RPS6KA5: variants seen among roughly 807,000 people sequenced by gnomAD.
The protein encoded by RPS6KA5 is ribosomal protein S6 kinase A5, also known as ribosomal protein S6 kinase alpha-5.
RPS6KA5 carries 27 observed loss-of-function variants against 85.5 expected under a neutral mutation model. The observed-to-expected ratio is 0.32, with a 90% confidence interval of 0.23 to 0.44. RPS6KA5 has a LOEUF of 0.44. Among genes scored for constraint, RPS6KA5 ranks in the 20% least tolerant of loss-of-function variants. The probability of loss-of-function intolerance (pLI) is 1.00; values close to 1 mark genes in which losing one functional copy is unlikely to be tolerated. For missense variants in RPS6KA5, 811 were observed against 980.9 expected (o/e 0.83, Z 2.31); for synonymous variants, 334 against 348.2 (o/e 0.96, Z 0.46).
In RPS6KA5 at chr14:90,899,407, A is replaced by G; in HGVS notation, c.1395T>C (p.Thr465=). The G allele has an allele frequency of 6.2e-7, 1 of 1,612,946 alleles. No individual in the cohort carries two copies. Reference sequence around the variant, plus strand: ...GTTTCAGAGCTGTTATTTCCTTTTGAGTATTGGCTTCCATCCTGCAAGATG... The same window carrying G: ...GTTTCAGAGCTGTTATTTCCTTTTGGGTATTGGCTTCCATCCTGCAAGATG... ...KIISKRMEAN[T]QKEITALKLC... is the part of the protein sequence containing the mutation. Residue 465 remains threonine, a synonymous_variant, in exon 12 of 17, where the codon ACT becomes ACC. Coordinates refer to ENST00000614987, the MANE Select transcript of RPS6KA5 (RefSeq NM_004755.4).
intron 1 of RPS6KA5, among the ~76,000 whole-genome samples, chr14:91,021,758 T>C (rs574526571): frequency 2.0e-5 from 3 of 152,322 alleles, no homozygotes; most frequent in Admixed American, 2.0e-4. Flanking sequence ...ATTTGGTCAC[T>C]GGAAGCACTT....
Position 91,054,389 on chromosome 14 carries a change from C to T in RPS6KA5, c.103+5943G>A, listed in dbSNP as rs145855355. 5.9e-3 allele frequency among the ~76,000 whole-genome samples: 902 copies of T among 152,144 alleles called. 4 individuals are homozygous for T. The highest frequency in any genetic ancestry group is 0.014 in the Admixed American group (209 of 15,282). ...CGGTGGCTCACACCTGTAATCCCAA[C>T]ACTTTGGGAGGCTGAGGCAGGTGGA... On this transcript the variant is annotated intron_variant, in intron 1 of 16. Coordinates refer to ENST00000614987, the MANE Select transcript of RPS6KA5 (RefSeq NM_004755.4).
intron 1 of RPS6KA5, chr14:91,060,007 A>G: frequency 1.0e-6 from 1 of 981,934 alleles, no homozygotes; most frequent in Non-Finnish European, 1.2e-6. Context: ...ACGCAGACAC[A>G]CGTGTGTCAC....
At chr14:90,938,003 C>T (rs2037367601) in intron 5 of RPS6KA5, among the ~76,000 whole-genome samples, 1 of 152,174 alleles carries the variant, frequency 6.6e-6, no homozygotes, top group Non-Finnish European at 1.5e-5. Flanking sequence ...AGTCCATATT[C>T]CAAAGTCTCA....
chr14:90,882,558 G>A (rs1178272695), intron 14 of RPS6KA5, among the ~76,000 whole-genome samples: 9 of 152,156 alleles, frequency 5.9e-5, no homozygotes, highest in Admixed American at 2.0e-4. Flanking sequence ...ACAGAGCGGC[G>A]TTAGTGGTAA....
intron 10 of RPS6KA5, 122 bp from the exon 11 acceptor site, chr14:90,900,363 T>A: frequency 1.4e-6 from 1 of 708,872 alleles, no homozygotes; most frequent in Non-Finnish European, 2.1e-6. Context: ...ACATTTATAA[T>A]CTAAAATTCA....
rs148651212 is a variant in RPS6KA5 at position 90,933,880 on chromosome 14, G to A, written c.618+9198C>T. Among the ~76,000 whole-genome samples the A allele has an allele frequency of 2.0e-5, 3 of 152,050 alleles. No individual in the cohort carries two copies. In the East Asian group the frequency reaches 5.8e-4, roughly 29 times the overall value. On this transcript the variant is annotated intron_variant, in intron 5 of 16. Transcript: ENST00000614987. Reference sequence around the variant, plus strand: ...ACTCATTCCATAACCCCACCTTAAAGGGCCTTAATATTGGCTGATCCCTCT... The same window carrying A: ...ACTCATTCCATAACCCCACCTTAAAAGGCCTTAATATTGGCTGATCCCTCT...
chr14:90,907,089 C>T (rs1483645480), intron 7 of RPS6KA5, among the ~76,000 whole-genome samples: 2 of 152,162 alleles, frequency 1.3e-5, no homozygotes, highest in Non-Finnish European at 2.9e-5. Context: ...TCCCTCTTAA[C>T]ATCCAGATCA....
intron 5 of RPS6KA5, among the ~76,000 whole-genome samples, chr14:90,942,268 A>T (rs1001958701): frequency 2.6e-5 from 4 of 152,224 alleles, no homozygotes; most frequent in African/African-American, 9.6e-5. Flanking sequence ...CCTAATTTGG[A>T]ATCCAAGAAT....
At chr14:91,046,727 T>C (rs1689442289) in intron 1 of RPS6KA5, among the ~76,000 whole-genome samples, 2 of 152,208 alleles carry the variant, frequency 1.3e-5, no homozygotes, top group African/African-American at 4.8e-5. Flanking sequence ...CCCTTTTACC[T>C]CTAGCATTCT....
intron 16 of RPS6KA5, among the ~76,000 whole-genome samples, chr14:90,872,529 T>A (rs1286266): frequency 0.38 from 57,379 of 151,884 alleles, 11,712 homozygotes; most frequent in African/African-American, 0.53. Context: ...GCTCTGTTTA[T>A]ATCAAACTAG....
chr14:90,926,525 T>G (rs2140306834), intron 5 of RPS6KA5, among the ~76,000 whole-genome samples: 1 of 152,268 alleles, frequency 6.6e-6, no homozygotes, highest in East Asian at 1.9e-4. Flanking sequence ...ACATTCTATT[T>G]CTTCACTTGA....
At chr14:91,032,479 AC>A (rs1034315411) in intron 1 of RPS6KA5, among the ~76,000 whole-genome samples, 1 of 152,152 alleles carries the variant, frequency 6.6e-6, no homozygotes, top group Non-Finnish European at 1.5e-5. Context: ...GTTCCTCCCC[AC>A]AAAGCACACT....
chr14:90,908,494 A>G (rs890800889), intron 7 of RPS6KA5, among the ~76,000 whole-genome samples: 1 of 152,118 alleles, frequency 6.6e-6, no homozygotes, highest in East Asian at 1.9e-4. Flanking sequence ...GATATGTGGA[A>G]GGAATATCAC....
intron 1 of RPS6KA5, among the ~76,000 whole-genome samples, chr14:91,008,146 A>C (rs1488020171): frequency 6.6e-6 from 1 of 152,266 alleles, no homozygotes; most frequent in African/African-American, 2.4e-5. Flanking sequence ...GTTTCAGCTA[A>C]GCTGCACAAA....
intron 1 of RPS6KA5, among the ~76,000 whole-genome samples, chr14:91,007,552 A>G (rs1323515310): frequency 6.6e-6 from 1 of 152,200 alleles, no homozygotes; most frequent in Non-Finnish European, 1.5e-5. Flanking sequence ...CATTTAGGGA[A>G]AAAGAGGTGT....
chr14:90,872,301 C>T lies in RPS6KA5; in HGVS notation c.2182G>A (p.Glu728Lys), dbSNP rs747867978. ...TCAACATTCTGAAGGCAAAACCCCT[C>T]TCTCTTGTATTTGTTAAAGGCCTGG... Reference protein sequence around the residue: ...TFHAFNKYKREGFCLQNVDKA... With the variant: ...TFHAFNKYKRKGFCLQNVDKA... The change falls in exon 17 of 17, where the codon GAG (glutamate) becomes AAG (lysine). Residue 728 changes from glutamate to lysine, a missense_variant. Physicochemically the swap from Glu to Lys is moderately conservative, Grantham distance 56. Around this residue, in one of 3 missense-constraint regions of RPS6KA5, gnomAD observed 650 missense variants for 793.4 expected, o/e 0.82. Coordinates refer to ENST00000614987, the MANE Select transcript of RPS6KA5 (RefSeq NM_004755.4). 3 of 1,613,116 alleles carry T rather than the reference C, an allele frequency of 1.9e-6. No individual in the cohort carries two copies. The highest frequency in any genetic ancestry group is 2.2e-5 in the East Asian group (1 of 44,868).
At chr14:90,959,160 C>A (rs982838912) in intron 3 of RPS6KA5, among the ~76,000 whole-genome samples, 1 of 152,086 alleles carries the variant, frequency 6.6e-6, no homozygotes, top group African/African-American at 2.4e-5. Flanking sequence ...GGGGGTGGGG[C>A]AGATTGTACA....
chr14:90,896,267 G>A (rs1384204248), intron 12 of RPS6KA5, among the ~76,000 whole-genome samples: 8 of 152,186 alleles, frequency 5.3e-5, no homozygotes, highest in Non-Finnish European at 7.4e-5. Flanking sequence ...AGTGGTGTAC[G>A]AACAGATTTA....
Sources: gnomAD v4.1 joint callset for allele counts (sites outside exome capture counted in the v4.1 genomes callset) on GRCh38, gnomAD v4.1.1 for gene constraint, gnomAD v4.1.1 regional missense constraint, MANE v1.5 for transcripts, NCBI Gene and HGNC (gene_info 2026-07-23, HGNC 2026-07-21) for gene names.